The following PTPRG variants were observed in gnomAD, a reference collection of about 807,000 sequenced individuals.
The protein encoded by PTPRG is protein tyrosine phosphatase receptor type G.
In PTPRG, 102 loss-of-function variants were observed where a neutral mutation model predicts 165.3. The ratio of observed to expected loss-of-function variants is 0.62; its 90% CI spans 0.53 to 0.73. PTPRG has a LOEUF of 0.73. Among genes scored for constraint, PTPRG ranks in the 30% least tolerant of loss-of-function variants. The pLI is 0.00. For synonymous variants in PTPRG, 675 were observed against 669.5 expected, an observed-to-expected ratio of 1.01 and a Z score of -0.13; for missense variants, 1,866 against 1,861.4, an observed-to-expected ratio of 1.00 and a Z score of -0.05.
At chr3:62,163,762 T>C (rs1196162921) in intron 7 of PTPRG, among the ~76,000 whole-genome samples, 1 of 152,196 alleles carries the variant, frequency 6.6e-6, no homozygotes, top group Non-Finnish European at 1.5e-5. Flanking sequence ...TCACAACTCT[T>C]TGAATAGTTA....
intron 3 of PTPRG, among the ~76,000 whole-genome samples, chr3:62,002,045 T>G (rs1186248082): frequency 6.6e-6 from 1 of 152,234 alleles, no homozygotes; most frequent in Non-Finnish European, 1.5e-5. Flanking sequence ...TCCTTTAATT[T>G]GCTGTTCTAC....
intron 8 of PTPRG, among the ~76,000 whole-genome samples, chr3:62,182,237 C>T (rs1192090584): frequency 6.6e-6 from 1 of 152,078 alleles, no homozygotes; most frequent in Non-Finnish European, 1.5e-5. Context: ...TATAAATTGA[C>T]CCATGCAGTT....
intron 2 of PTPRG, among the ~76,000 whole-genome samples, chr3:61,964,505 G>T (rs941804551): frequency 5.9e-5 from 9 of 152,112 alleles, no homozygotes; most frequent in African/African-American, 1.7e-4. Flanking sequence ...AGAGCAAAAT[G>T]TTAGTTTGAG....
chr3:62,007,100 T>C (rs1475410609), intron 4 of PTPRG, among the ~76,000 whole-genome samples: 1 of 152,162 alleles, frequency 6.6e-6, no homozygotes, highest in African/African-American at 2.4e-5. Context: ...CTTGGGAATT[T>C]TAACAGCTCC....
chr3:61,824,028 G>A (rs921213955), intron 2 of PTPRG, among the ~76,000 whole-genome samples: 2 of 152,146 alleles, frequency 1.3e-5, no homozygotes, highest in African/African-American at 4.8e-5. Context: ...AGAGGCTGAG[G>A]CAGGAGAATG....
chr3:61,961,738 TC>T (rs2107643124), intron 2 of PTPRG, among the ~76,000 whole-genome samples: 1 of 152,296 alleles, frequency 6.6e-6, no homozygotes, highest in South Asian at 2.1e-4. Flanking sequence ...CCTGTCATTC[TC>T]AAATTGTGGT....
chr3:62,062,007 TTAGTA>T (rs1405304389), intron 4 of PTPRG, among the ~76,000 whole-genome samples: 1 of 151,678 alleles, frequency 6.6e-6, no homozygotes, highest in Non-Finnish European at 1.5e-5. Flanking sequence ...TCGTTACAAT[TTAGTA>T]TGGGGGGGCG....
intron 6 of PTPRG, among the ~76,000 whole-genome samples, chr3:62,133,235 G>A (rs368973457): frequency 2.2e-4 from 34 of 152,300 alleles, no homozygotes; most frequent in African/African-American, 8.2e-4. Flanking sequence ...GAATTTCCCT[G>A]CAACTGTATT....
chr3:61,710,975 T>A (rs1265819066), intron 1 of PTPRG, among the ~76,000 whole-genome samples: 1 of 151,756 alleles, frequency 6.6e-6, no homozygotes, highest in African/African-American at 2.4e-5. Flanking sequence ...CCTGTGTCCA[T>A]GTCTTCTCAC....
intron 2 of PTPRG, among the ~76,000 whole-genome samples, chr3:61,806,963 C>G (rs993102520): frequency 1.3e-5 from 2 of 152,166 alleles, no homozygotes; most frequent in Admixed American, 6.5e-5. Context: ...AAGAGCAGCC[C>G]TTTCATAAAC....
rs147458562 is a variant in PTPRG at position 62,008,189 on chromosome 3, A to G, written c.519+4692A>G. On this transcript the variant is annotated intron_variant, in intron 4 of 29. Transcript: ENST00000474889. ...ATATAACACTAATAGAAATTGAATC[A>G]TGCTGTATTTCCACTAATAACCAAA... Among the ~76,000 whole-genome samples the G allele has an allele frequency of 5.2e-3, 789 of 152,356 alleles. 19 individuals carry two copies. The highest frequency in any genetic ancestry group is 0.045 in the Admixed American group (683 of 15,306).
chr3:61,695,341 T>A (rs2030509340), intron 1 of PTPRG, among the ~76,000 whole-genome samples: 1 of 152,118 alleles, frequency 6.6e-6, no homozygotes. Context: ...GGTCCTCCAT[T>A]TTTTCAAAAT....
intron 2 of PTPRG, among the ~76,000 whole-genome samples, chr3:61,887,155 TATATATATATA>T (rs2038069370): frequency 5.1e-5 from 3 of 58,406 alleles, no homozygotes; most frequent in African/African-American, 1.1e-4. Context: ...TATATATATA[TATATATATATA>T]TATATTTTTA....
chr3:62,065,477 G>A (rs914214280), intron 4 of PTPRG, among the ~76,000 whole-genome samples: 2 of 152,194 alleles, frequency 1.3e-5, no homozygotes, highest in African/African-American at 2.4e-5. Context: ...CAGTCTTTCA[G>A]GGGGCTTGCA....
At chr3:62,174,039 G>A (rs1472126623) in intron 8 of PTPRG, among the ~76,000 whole-genome samples, 1 of 152,168 alleles carries the variant, frequency 6.6e-6, no homozygotes, top group Non-Finnish European at 1.5e-5. Flanking sequence ...TTGTTCAAGG[G>A]ACATCCGATT....
chr3:61,739,311 A>C (rs2032892953), intron 1 of PTPRG: 1 of 152,122 alleles, frequency 6.6e-6, no homozygotes, highest in Non-Finnish European at 1.5e-5. Flanking sequence ...TACTGTTAAT[A>C]ATATTGGGAA....
intron 2 of PTPRG, among the ~76,000 whole-genome samples, chr3:61,831,581 A>AGAAT (rs2036297097): frequency 6.9e-6 from 1 of 145,496 alleles, no homozygotes; most frequent in Non-Finnish European, 1.5e-5. Flanking sequence ...TGTTGAGGAC[A>AGAAT]GCATCCATCT....
chr3:62,119,640 A>G (rs1213939812), intron 5 of PTPRG, among the ~76,000 whole-genome samples: 3 of 151,410 alleles, frequency 2.0e-5, no homozygotes, highest in African/African-American at 7.3e-5. Context: ...ATTTATTTTG[A>G]GACAGAGTCT....
intron 2 of PTPRG, among the ~76,000 whole-genome samples, chr3:61,939,433 C>T (rs1054496669): frequency 3.3e-5 from 5 of 152,130 alleles, no homozygotes; most frequent in African/African-American, 7.2e-5. Context: ...TTAATAAAAT[C>T]GCAGTGTGAA....
Sources: allele counts gnomAD v4.1 joint callset (sites outside exome capture counted in the v4.1 genomes callset), GRCh38; gene constraint gnomAD v4.1.1; transcripts MANE v1.5; gene names NCBI Gene and HGNC (gene_info 2026-07-23, HGNC 2026-07-21).